The following MTOR variants were observed in gnomAD, a reference collection of about 807,000 sequenced individuals.
The protein encoded by MTOR is serine/threonine-protein kinase mTOR.
MTOR carries 70 observed loss-of-function variants against 319.8 expected under a neutral mutation model. The ratio of observed to expected loss-of-function variants is 0.22; its 90% CI spans 0.18 to 0.27. MTOR has a LOEUF of 0.27. MTOR is among the 10% of genes least tolerant of loss of function. The pLI, the probability that MTOR is intolerant of heterozygous loss-of-function variation, is 1.00. For synonymous variants in MTOR, 1,183 were observed against 1,211.4 expected, an observed-to-expected ratio of 0.98 and a Z score of 0.49; for missense variants, 1,890 against 3,274.4, an observed-to-expected ratio of 0.58 and a Z score of 10.32.
intron 37 of MTOR, among the ~76,000 whole-genome samples, chr1:11,134,027 T>A (rs1285571464): frequency 6.6e-6 from 1 of 151,536 alleles, no homozygotes; most frequent in Non-Finnish European, 1.5e-5. Context: ...ATCAAGGCTA[T>A]ACTCTAGCCT....
At chr1:11,176,018 G>A (rs1238500365) in intron 28 of MTOR, among the ~76,000 whole-genome samples, 13 of 152,166 alleles carry the variant, frequency 8.5e-5, no homozygotes, top group Non-Finnish European at 1.3e-4. Flanking sequence ...AAAGTGCTGG[G>A]ATTACAGGCA....
intron 18 of MTOR, among the ~76,000 whole-genome samples, chr1:11,230,440 T>C (rs578206439): frequency 2.0e-5 from 3 of 152,282 alleles, no homozygotes; most frequent in Admixed American, 2.0e-4. Flanking sequence ...AGTGCAGCTC[T>C]TGGGCCAGAC....
rs965810526 is a variant in MTOR, at chr1:11,129,944, C to T, written c.5614-106G>A. ...TACCTACTTCAAAGGGTGGTTATAA[C>T]AATTAAATCGGTTAATGCATGAAAA... On this transcript the variant is annotated intron_variant, in intron 39 of 57. Transcript: ENST00000361445. This position sits in a 1 kb window ranked among gnomAD's most constrained non-coding sequence, Gnocchi z 4.7. The T allele has an allele frequency of 1.1e-6, 1 of 928,342 alleles. No homozygotes were observed. The highest frequency in any genetic ancestry group is 1.7e-6 in the Non-Finnish European group (1 of 594,188). 57.5% of individuals were successfully genotyped at this position (928,342 alleles called of 1,614,324 possible).
rs763936479 is a variant in MTOR at position 11,129,672 on chromosome 1, C to T, written c.5714+66G>A. On this transcript the variant is annotated intron_variant, in intron 40 of 57. Coordinates refer to ENST00000361445, the MANE Select transcript of MTOR (RefSeq NM_004958.4). The surrounding 1 kb of genome is among the most constrained non-coding windows in gnomAD (Gnocchi z 4.7). Reference sequence around the variant, plus strand: ...GTCAGGAAGGGAAAGAGGACTTTTACGTGTGACTTCTAGGTCTTGCCATTA... The same window carrying T: ...GTCAGGAAGGGAAAGAGGACTTTTATGTGTGACTTCTAGGTCTTGCCATTA... The T allele has an allele frequency of 3.9e-5, 55 of 1,418,034 alleles. No individual in the cohort carries two copies. Among genetic ancestry groups the T allele is most frequent in the Non-Finnish European group, 5.1e-5 (52 of 1,011,958 alleles). 87.8% of individuals were successfully genotyped at this position (1,418,034 alleles called of 1,614,324 possible). A position where few individuals can be genotyped will look rare whatever the true frequency, so the allele number is the denominator to read the frequency against.
In MTOR at chr1:11,109,591, AGCT is replaced by A; in HGVS notation, c.7447+55_7447+57del. 1.3e-6 allele frequency: 2 copies of A among 1,532,098 alleles called. No homozygotes were observed. The highest frequency in any genetic ancestry group is 4.5e-5 in the East Asian group (2 of 44,470). 94.9% of individuals were successfully genotyped at this position (1,532,098 alleles called of 1,614,324 possible). On this transcript the variant is annotated intron_variant, in intron 55 of 57. Coordinates refer to ENST00000361445, the MANE Select transcript of MTOR (RefSeq NM_004958.4). The surrounding 1 kb of genome is among the most constrained non-coding windows in gnomAD (Gnocchi z 4.0). ...GTTGACCCCTCTCAGGGTATAACAC[AGCT>A]GCTATTTTCTTAATGAGCTAGTCAC...
chr1:11,212,617 T>G lies in MTOR; in HGVS notation c.3399-143A>C, dbSNP rs1646347853. The G allele has an allele frequency of 2.6e-6, 3 of 1,137,772 alleles. No individual in the cohort carries two copies. Among genetic ancestry groups the G allele is most frequent in the East Asian group, 5.0e-5 (2 of 40,320 alleles). The allele number at this position is 1,137,772 out of a possible 1,614,324, so 70.5% of individuals were successfully genotyped here. On this transcript the variant is annotated intron_variant, in intron 22 of 57. Coordinates refer to ENST00000361445, the MANE Select transcript of MTOR (RefSeq NM_004958.4). The surrounding 1 kb of genome is among the most constrained non-coding windows in gnomAD (Gnocchi z 4.1). The stretch of plus-strand genomic sequence containing the variant: ...ATTTTGGATGACATGGATCCAACAT[T>G]TATTCCAATGGGATAGGGACAGTTA...
chr1:11,236,201 A>T (rs560606965), intron 13 of MTOR, among the ~76,000 whole-genome samples: 3 of 149,324 alleles, frequency 2.0e-5, no homozygotes, highest in Non-Finnish European at 3.0e-5. Flanking sequence ...CAGTGGCACA[A>T]TCACGGCTCA....
chr1:11,172,998 CTT>C (rs540976160), intron 28 of MTOR, among the ~76,000 whole-genome samples: 5 of 144,580 alleles, frequency 3.5e-5, no homozygotes, highest in African/African-American at 2.5e-5. Context: ...ACTCTCTTTT[CTT>C]TTTTTTTTTT....
intron 25 of MTOR, among the ~76,000 whole-genome samples, chr1:11,206,442 C>T (rs149222686): frequency 0.012 from 1,761 of 152,264 alleles, 68 homozygotes; most frequent in South Asian, 0.066. Context: ...TTACTTAACC[C>T]GTCAGTGCCT....
At chr1:11,206,969 T>C (rs577726683) in intron 25 of MTOR, among the ~76,000 whole-genome samples, 1 of 152,376 alleles carries the variant, frequency 6.6e-6, no homozygotes, top group African/African-American at 2.4e-5. Context: ...ACAAATAAAA[T>C]GGTGACTGAG....
chr1:11,197,310 A>G (rs1271566669), intron 28 of MTOR, among the ~76,000 whole-genome samples: 1 of 152,330 alleles, frequency 6.6e-6, no homozygotes, highest in Admixed American at 6.5e-5. Flanking sequence ...GCTGTTTCTT[A>G]AAACTTCCTT....
Position 11,206,709 on chromosome 1 carries a change from A to G in MTOR, c.3802-2006T>C, listed in dbSNP as rs114839236. On this transcript the variant is annotated intron_variant, in intron 25 of 57. Coordinates refer to ENST00000361445, the MANE Select transcript of MTOR (RefSeq NM_004958.4). Reference sequence around the variant, plus strand: ...CTCTGTAAAACATTATCAACTCTCAATTCTCTGGGTTCTATAACAACTGTG... The same window carrying G: ...CTCTGTAAAACATTATCAACTCTCAGTTCTCTGGGTTCTATAACAACTGTG... 6.1e-3 allele frequency among the ~76,000 whole-genome samples: 923 copies of G among 152,244 alleles called. 11 individuals are homozygous for G. Among genetic ancestry groups the G allele is most frequent in the African/African-American group, 0.021 (869 of 41,536 alleles).
intron 16 of MTOR, among the ~76,000 whole-genome samples, 152 bp downstream of exon 16, chr1:11,232,280 TCTAA>T (rs916271109): frequency 3.3e-5 from 5 of 152,338 alleles, no homozygotes; most frequent in African/African-American, 1.2e-4. Flanking sequence ...TTCAAATCTT[TCTAA>T]CTTTTACTCA....
At position 11,154,523 on chromosome 1, in the gene MTOR, C is replaced by CTATA. The variant is rs200447468; in HGVS notation, c.4469+2625_4469+2628dup. On this transcript the variant is annotated intron_variant, in intron 30 of 57. Coordinates refer to ENST00000361445, the MANE Select transcript of MTOR (RefSeq NM_004958.4). ...TAATTGTGGAATATTATCTCTCTCT[C>CTATA]TATATATATATATATGATCCAATGC... Among the ~76,000 whole-genome samples, 621 of 149,680 alleles carry CTATA rather than the reference C, an allele frequency of 4.1e-3. 19 individuals carry two copies. The highest frequency in any genetic ancestry group is 4.8e-3 in the East Asian group (25 of 5,164).
intron 13 of MTOR, among the ~76,000 whole-genome samples, chr1:11,234,683 A>T (rs1020798662): frequency 6.6e-6 from 1 of 152,206 alleles, no homozygotes; most frequent in African/African-American, 2.4e-5. Context: ...GAAGACTACA[A>T]ATAATGGCAA....
intron 1 of MTOR, among the ~76,000 whole-genome samples, chr1:11,261,548 G>GT (rs776431600): frequency 1.3e-4 from 20 of 152,180 alleles, no homozygotes; most frequent in Non-Finnish European, 2.9e-4. Context: ...TGCCATGGGT[G>GT]TAACATACAC....
intron 26 of MTOR, among the ~76,000 whole-genome samples, chr1:11,200,236 G>T (rs1645916731): frequency 6.6e-6 from 1 of 152,162 alleles, no homozygotes; most frequent in Non-Finnish European, 1.5e-5. Context: ...CTTAAGGTCA[G>T]AAATGTCAAA....
chr1:11,173,979 G>A (rs983609556), intron 28 of MTOR, among the ~76,000 whole-genome samples: 54 of 152,246 alleles, frequency 3.5e-4, no homozygotes, highest in African/African-American at 1.3e-3. Context: ...CAGGCACTGC[G>A]CTTATTGTTT....
intron 30 of MTOR, among the ~76,000 whole-genome samples, chr1:11,152,686 G>A (rs562204913): frequency 1.9e-4 from 29 of 152,182 alleles, no homozygotes; most frequent in African/African-American, 6.5e-4. Flanking sequence ...AAATGGGAAG[G>A]GTCTCAGCTC....
Sources: allele counts gnomAD v4.1 joint callset (sites outside exome capture counted in the v4.1 genomes callset), GRCh38; gene constraint gnomAD v4.1.1; non-coding constraint Gnocchi (gnomAD v3.1); transcripts MANE v1.5; gene names NCBI Gene and HGNC (gene_info 2026-07-23, HGNC 2026-07-21).